COG5: variants seen among roughly 807,000 people sequenced by gnomAD.
The protein encoded by COG5 is conserved oligomeric Golgi complex subunit 5.
COG5 carries 86 observed loss-of-function variants against 110.4 expected under a neutral mutation model. The observed-to-expected ratio is 0.78, with a 90% CI of 0.65 to 0.93. COG5 has a LOEUF of 0.93. Ranked by LOEUF, COG5 falls within the 40% of genes least tolerant of loss-of-function variation. COG5 has a pLI of 0.00. For missense variants in COG5, 1,077 were observed against 987.0 expected (o/e 1.09, Z -1.22); for synonymous variants, 360 against 334.6 (o/e 1.08, Z -0.83).
intron 6 of COG5, among the ~76,000 whole-genome samples, chr7:107,483,610 A>G (rs1349566281): frequency 6.6e-6 from 1 of 152,100 alleles, no homozygotes; most frequent in African/African-American, 2.4e-5. Context: ...AAGCTGAGGC[A>G]GGAGAATCGC....
intron 10 of COG5, among the ~76,000 whole-genome samples, chr7:107,327,503 G>C (rs1330005959): frequency 6.6e-6 from 1 of 151,968 alleles, no homozygotes; most frequent in Non-Finnish European, 1.5e-5. Context: ...AGAGTAAAAA[G>C]GCAACCTACA....
At chr7:107,512,014 C>T (rs1365123320) in intron 6 of COG5, among the ~76,000 whole-genome samples, 1 of 152,180 alleles carries the variant, frequency 6.6e-6, no homozygotes, top group Non-Finnish European at 1.5e-5. Flanking sequence ...CTCACCACTC[C>T]TATTCAACAT....
chr7:107,416,517 T>G (rs1792858811), intron 6 of COG5, among the ~76,000 whole-genome samples: 1 of 152,164 alleles, frequency 6.6e-6, no homozygotes. Flanking sequence ...GATACGTTAT[T>G]CTAATACACT....
intron 10 of COG5, among the ~76,000 whole-genome samples, chr7:107,344,747 C>T (rs1272257762): frequency 1.3e-5 from 2 of 152,180 alleles, no homozygotes; most frequent in African/African-American, 2.4e-5. Flanking sequence ...TGGTCTTGAA[C>T]TCCCAACCTC....
intron 6 of COG5, among the ~76,000 whole-genome samples, chr7:107,516,602 T>TC (rs1405108210): frequency 1.3e-5 from 2 of 152,184 alleles, no homozygotes; most frequent in African/African-American, 4.8e-5. Context: ...AGACACCTCA[T>TC]ACAGGAGAGC....
intron 18 of COG5, among the ~76,000 whole-genome samples, chr7:107,235,170 T>G (rs1260459841): frequency 6.6e-6 from 1 of 152,196 alleles, no homozygotes; most frequent in African/African-American, 2.4e-5. Flanking sequence ...GTTCCTTTTT[T>G]GAAAGTGTGT....
chr7:107,369,831 T>C (rs1460664107), intron 8 of COG5, among the ~76,000 whole-genome samples: 1 of 152,222 alleles, frequency 6.6e-6, no homozygotes, highest in African/African-American at 2.4e-5. Flanking sequence ...TCTCCTTGCA[T>C]AGTTTACAAG....
At chr7:107,545,318 A>G (rs1389099759) in intron 5 of COG5, among the ~76,000 whole-genome samples, 1 of 152,232 alleles carries the variant, frequency 6.6e-6, no homozygotes, top group Non-Finnish European at 1.5e-5. Context: ...AGACTACCCC[A>G]AGATATATTA....
intron 11 of COG5, among the ~76,000 whole-genome samples, chr7:107,314,678 G>C (rs1328856151): frequency 6.6e-6 from 1 of 151,966 alleles, no homozygotes; most frequent in African/African-American, 2.4e-5. Context: ...GAACCCAGGA[G>C]GCAGAGGTTG....
intron 17 of COG5, among the ~76,000 whole-genome samples, chr7:107,245,834 G>A (rs1802011755): frequency 6.6e-6 from 1 of 152,068 alleles, no homozygotes; most frequent in African/African-American, 2.4e-5. Flanking sequence ...AACTACCAAT[G>A]ATATTCTTCA....
chr7:107,513,459 A>G (rs1411898593), intron 6 of COG5, among the ~76,000 whole-genome samples: 1 of 152,218 alleles, frequency 6.6e-6, no homozygotes, highest in Non-Finnish European at 1.5e-5. Flanking sequence ...GGGACTGTAA[A>G]CTAGTTCCAC....
chr7:107,468,430 T>G (rs945261545), intron 6 of COG5, among the ~76,000 whole-genome samples: 2 of 152,100 alleles, frequency 1.3e-5, no homozygotes, highest in African/African-American at 4.8e-5. Flanking sequence ...GGTGTGTGTG[T>G]GTGTGTGTGT....
chr7:107,216,188 A>C (rs890843572), intron 19 of COG5, among the ~76,000 whole-genome samples: 3 of 152,260 alleles, frequency 2.0e-5, no homozygotes, highest in African/African-American at 4.8e-5. Flanking sequence ...GTGTCAATTC[A>C]TCAAGAGGAT....
intron 19 of COG5, among the ~76,000 whole-genome samples, chr7:107,216,123 A>T (rs1554395238): frequency 6.6e-6 from 1 of 152,216 alleles, no homozygotes; most frequent in Non-Finnish European, 1.5e-5. Flanking sequence ...TATCAGACAA[A>T]ATAGACTTAA....
chr7:107,239,049 T>G lies in COG5; in HGVS notation c.1854-2362A>C, dbSNP rs1033689944. ...GCTCTTGGGATCAAATCCAAAAAATTATTGCTCAGATTTTCCTGTTTTCTT... is the reference window on the plus strand; with the variant it reads ...GCTCTTGGGATCAAATCCAAAAAATGATTGCTCAGATTTTCCTGTTTTCTT... On this transcript the variant is annotated intron_variant, in intron 17 of 21. Coordinates refer to ENST00000297135, the MANE Select transcript of COG5 (RefSeq NM_006348.5). Among the ~76,000 whole-genome samples the G allele has an allele frequency of 6.6e-5, 10 of 152,314 alleles. No homozygotes were observed. In the South Asian group the frequency reaches 1.4e-3, roughly 22 times the overall value.
At chr7:107,498,935 T>A (rs1798452636) in intron 6 of COG5, among the ~76,000 whole-genome samples, 1 of 152,164 alleles carries the variant, frequency 6.6e-6, no homozygotes, top group African/African-American at 2.4e-5. Context: ...AAATGTGATA[T>A]ATATACATAG....
At chr7:107,296,997 A>G (rs1806802870) in intron 12 of COG5, among the ~76,000 whole-genome samples, 1 of 152,204 alleles carries the variant, frequency 6.6e-6, no homozygotes. Flanking sequence ...TACTCTTTCA[A>G]TTTTGGAGGA....
At chr7:107,328,191 C>T (rs1584683783) in intron 10 of COG5, among the ~76,000 whole-genome samples, 1 of 152,298 alleles carries the variant, frequency 6.6e-6, no homozygotes, top group Non-Finnish European at 1.5e-5. Context: ...GAAGGGATAG[C>T]CTACTACACA....
chr7:107,258,446 T>TCA lies in COG5; in HGVS notation c.1576-64_1576-63insTG, dbSNP rs1232740888. 413 of 903,248 alleles carry TCA rather than the reference T, an allele frequency of 4.6e-4. 2 individuals are homozygous for TCA. The African/African-American group carries it at 6.1e-3, about 13-fold the overall frequency. The allele number at this position is 903,248 out of a possible 1,614,324, so 56.0% of individuals were successfully genotyped here. A position where few individuals can be genotyped will look rare whatever the true frequency, so the allele number is the denominator to read the frequency against. On this transcript the variant is annotated intron_variant, in intron 14 of 21. Coordinates refer to ENST00000297135, the MANE Select transcript of COG5 (RefSeq NM_006348.5). ...ATAATTCTCTCTCTCTCTCTCTCTC[T>TCA]CTCTCACACACACACATACACACAC...
Sources: gnomAD v4.1 joint callset for allele counts (sites outside exome capture counted in the v4.1 genomes callset) on GRCh38, gnomAD v4.1.1 for gene constraint, MANE v1.5 for transcripts, NCBI Gene and HGNC (gene_info 2026-07-23, HGNC 2026-07-21) for gene names.